The following BTRC variants were observed in gnomAD, a reference collection of about 807,000 sequenced individuals.
BTRC encodes the protein beta-transducin repeat containing E3 ubiquitin protein ligase.
BTRC carries 42 observed loss-of-function variants against 85.5 expected under a neutral mutation model. The observed-to-expected ratio is 0.49, with a 90% CI of 0.38 to 0.64. The LOEUF (loss-of-function observed/expected upper bound fraction) is 0.64, where lower values mean the gene tolerates loss of function less well. Ranked by LOEUF, BTRC falls within the 30% of genes least tolerant of loss-of-function variation. The pLI is 0.00. For synonymous variants in BTRC, 255 were observed against 263.3 expected, an observed-to-expected ratio of 0.97 and a Z score of 0.30; for missense variants, 594 against 743.5, an observed-to-expected ratio of 0.80 and a Z score of 2.34.
chr10:101,522,789 CAA>C (rs1180725568), intron 5 of BTRC, among the ~76,000 whole-genome samples: 2 of 152,128 alleles, frequency 1.3e-5, no homozygotes, highest in Non-Finnish European at 2.9e-5. Flanking sequence ...TACATAGGTC[CAA>C]ATAAAATCTT....
In BTRC at chr10:101,499,922, C is replaced by T. The variant is rs111571439; in HGVS notation, c.324+20465C>T. 1.3e-3 allele frequency among the ~76,000 whole-genome samples: 194 copies of T among 151,750 alleles called. 3 individuals carry two copies. The highest frequency in any genetic ancestry group is 4.1e-3 in the African/African-American group (170 of 41,344). ...GTCTTGAGGGCACTTGATGGACTTT[C>T]GAATCTGAAAGAAAAAGCTCTCTGC... On this transcript the variant is annotated intron_variant, in intron 4 of 14. Transcript: ENST00000370187.
chr10:101,535,102 A>G (rs924694442), intron 10 of BTRC, among the ~76,000 whole-genome samples, 192 bp downstream of exon 10: 3 of 152,224 alleles, frequency 2.0e-5, no homozygotes, highest in African/African-American at 7.2e-5. Context: ...TTTTATTCCT[A>G]TAAATAGTGG....
chr10:101,462,468 C>T (rs374461827), intron 3 of BTRC, among the ~76,000 whole-genome samples: 2 of 152,006 alleles, frequency 1.3e-5, no homozygotes, highest in Admixed American at 6.6e-5. Context: ...TACCTGAAGT[C>T]GGGAGTTCGA....
intron 4 of BTRC, among the ~76,000 whole-genome samples, chr10:101,505,149 A>G (rs7088547): frequency 1.5e-3 from 108 of 74,038 alleles, no homozygotes; most frequent in African/African-American, 4.1e-3. Flanking sequence ...GTATATATAT[A>G]TGTATATGTA....
intron 3 of BTRC, among the ~76,000 whole-genome samples, chr10:101,476,125 C>A (rs1197159334): frequency 1.3e-5 from 2 of 151,782 alleles, no homozygotes; most frequent in Non-Finnish European, 2.9e-5. Flanking sequence ...TAACCTCAAT[C>A]TGATCATGAG....
intron 3 of BTRC, among the ~76,000 whole-genome samples, chr10:101,469,773 C>T (rs1020674142): frequency 2.0e-5 from 3 of 152,170 alleles, no homozygotes; most frequent in African/African-American, 7.2e-5. Context: ...ATTTTCTGCA[C>T]CACCAATGGA....
chr10:101,354,258 T>C (rs1274369125), intron 1 of BTRC, 30 bp downstream of exon 1: 1 of 1,546,994 alleles, frequency 6.5e-7, no homozygotes, highest in Admixed American at 2.0e-5. Flanking sequence ...CGGGGAACGG[T>C]GGAGGCGCTG....
At chr10:101,395,292 A>G (rs1020634966) in intron 1 of BTRC, among the ~76,000 whole-genome samples, 1 of 152,204 alleles carries the variant, frequency 6.6e-6, no homozygotes, top group Non-Finnish European at 1.5e-5. Flanking sequence ...GAGTCTAGCC[A>G]GGCAGGCTAG....
intron 4 of BTRC, among the ~76,000 whole-genome samples, chr10:101,480,987 T>C (rs1014187057): frequency 6.6e-6 from 1 of 152,222 alleles, no homozygotes; most frequent in Non-Finnish European, 1.5e-5. Flanking sequence ...GCACTAATCC[T>C]AGCTCAATGC....
In BTRC at chr10:101,555,923, T is replaced by C; in HGVS notation, c.*2800T>C. 6.6e-6 allele frequency: 1 copy of C among 152,224 alleles called. No individual in the cohort carries two copies. Among genetic ancestry groups the C allele is most frequent in the South Asian group, 2.1e-4 (1 of 4,836 alleles). The allele number at this position is 152,224 out of a possible 1,614,324, so 9.4% of individuals were successfully genotyped here. A position where few individuals can be genotyped will look rare whatever the true frequency, so the allele number is the denominator to read the frequency against. On this transcript the variant is annotated 3_prime_UTR_variant, in exon 15 of 15. Transcript: ENST00000370187. ...ACCTTTTGGTGCACACTGGAGCTAC[T>C]TGGACAAGACCAGCATGCCTTGCTG...
At chr10:101,421,252 G>A (rs1418576259) in intron 1 of BTRC, among the ~76,000 whole-genome samples, 1 of 151,928 alleles carries the variant, frequency 6.6e-6, no homozygotes, top group African/African-American at 2.4e-5. Context: ...TCTTGGGTGC[G>A]ATTTCTTTAT....
intron 1 of BTRC, among the ~76,000 whole-genome samples, chr10:101,386,148 A>T (rs1224732198): frequency 6.6e-6 from 1 of 152,166 alleles, no homozygotes; most frequent in Non-Finnish European, 1.5e-5. Context: ...ACTTTTCAGG[A>T]TATATGGACA....
At chr10:101,506,342 G>T (rs1946541247) in intron 4 of BTRC, among the ~76,000 whole-genome samples, 1 of 152,144 alleles carries the variant, frequency 6.6e-6, no homozygotes, top group Non-Finnish European at 1.5e-5. Flanking sequence ...GCTCAAGTTA[G>T]GCTTCAACTC....
At position 101,432,063 on chromosome 10, in the gene BTRC, T is replaced by C. The variant is rs762745660; in HGVS notation, c.156+1611T>C. Among the ~76,000 whole-genome samples, 15 of 152,186 alleles carry C rather than the reference T, an allele frequency of 9.9e-5. 1 individual carries two copies. The highest frequency in any genetic ancestry group is 1.4e-4 in the African/African-American group (6 of 41,458). On this transcript the variant is annotated intron_variant, in intron 2 of 14. Transcript: ENST00000370187. ...TTTATCATGATCGTTATAAACATTA[T>C]TGCTATTATTGGAGAGTAATTGATA...
At chr10:101,428,441 T>C (rs1448799070) in intron 1 of BTRC, among the ~76,000 whole-genome samples, 1 of 152,208 alleles carries the variant, frequency 6.6e-6, no homozygotes, top group Non-Finnish European at 1.5e-5. Context: ...TGAGGAAACG[T>C]TGAAAACAGT....
At chr10:101,492,539 C>T (rs914856463) in intron 4 of BTRC, among the ~76,000 whole-genome samples, 4 of 152,072 alleles carry the variant, frequency 2.6e-5, no homozygotes, top group Admixed American at 1.3e-4. Context: ...ATTTTAATTA[C>T]GGAACTTTCT....
chr10:101,438,580 T>C (rs1417359444), intron 2 of BTRC, among the ~76,000 whole-genome samples: 1 of 152,116 alleles, frequency 6.6e-6, no homozygotes, highest in African/African-American at 2.4e-5. Context: ...GTTTTCTATT[T>C]AAAAGAAAGT....
chr10:101,425,351 TAAC>T (rs563189593), intron 1 of BTRC, among the ~76,000 whole-genome samples: 142 of 152,302 alleles, frequency 9.3e-4, no homozygotes, highest in African/African-American at 3.0e-3. Flanking sequence ...TTCAGTTGGA[TAAC>T]AACAATTATA....
chr10:101,532,785 T>TGTGTGTGTGTGTGCGC (rs1554895659), intron 8 of BTRC, among the ~76,000 whole-genome samples, 167 bp from the exon 9 acceptor site: 1 of 34,258 alleles, frequency 2.9e-5, no homozygotes, highest in Non-Finnish European at 4.8e-5. Flanking sequence ...TGTGTGTGTG[T>TGTGTGTGTGTGTGCGC]GTGTGCGCGT....
Sources: gnomAD v4.1 joint callset for allele counts (sites outside exome capture counted in the v4.1 genomes callset) on GRCh38, gnomAD v4.1.1 for gene constraint, MANE v1.5 for transcripts, NCBI Gene and HGNC (gene_info 2026-07-23, HGNC 2026-07-21) for gene names.